The following RBFOX1 variants were observed in gnomAD, a reference collection of about 807,000 sequenced individuals.
RBFOX1 encodes the protein RNA binding fox-1 homolog 1.
Under a neutral mutation model 57.7 loss-of-function variants are expected in RBFOX1, and 8 were observed. That is an observed-to-expected ratio of 0.14 (90% confidence interval 0.08 to 0.25). The LOEUF (loss-of-function observed/expected upper bound fraction) is 0.25. RBFOX1 is among the 10% of genes least tolerant of loss of function. The pLI, the probability that RBFOX1 is intolerant of heterozygous loss-of-function variation, is 1.00. For synonymous variants in RBFOX1, 326 were observed against 222.4 expected (o/e 1.47, Z -4.15); for missense variants, 611 against 548.5 (o/e 1.11, Z -1.14).
In RBFOX1 at chr16:7,697,470, A is replaced by G. The variant is rs181958912; in HGVS notation, c.996-11586A>G. On this transcript the variant is annotated intron_variant, in intron 14 of 15. Transcript: ENST00000550418. ...ACTCTCCAAGGTGTAATAGTAACTT[A>G]CTGTCATTTATTGAGCAAATTATGT... is the stretch of plus-strand genomic sequence containing the variant. Among the ~76,000 whole-genome samples, 477 of 152,158 alleles carry G rather than the reference A, an allele frequency of 3.1e-3. 3 individuals are homozygous for G. Among genetic ancestry groups the G allele is most frequent in the African/African-American group, 0.011 (461 of 41,482 alleles).
At chr16:7,538,968 T>C (rs2082208638) in intron 5 of RBFOX1, among the ~76,000 whole-genome samples, 1 of 151,576 alleles carries the variant, frequency 6.6e-6, no homozygotes, top group Non-Finnish European at 1.5e-5. Flanking sequence ...TGTACACACT[T>C]CAGTGGTGGC....
At chr16:6,816,359 A>G (rs922494117) in intron 3 of RBFOX1, among the ~76,000 whole-genome samples, 6 of 152,136 alleles carry the variant, frequency 3.9e-5, no homozygotes, top group Non-Finnish European at 7.3e-5. Flanking sequence ...TGCCTGTTGA[A>G]AAAGCCTTTT....
intron 4 of RBFOX1, among the ~76,000 whole-genome samples, chr16:7,354,355 A>C (rs764086349): frequency 6.6e-6 from 1 of 152,200 alleles, no homozygotes. Flanking sequence ...AATGTCATCA[A>C]ATTCTTTCTA....
chr16:5,351,523 C>A (rs965919971), intron 1 of RBFOX1, among the ~76,000 whole-genome samples: 2 of 152,104 alleles, frequency 1.3e-5, no homozygotes, highest in African/African-American at 4.8e-5. Flanking sequence ...GTCACCTGGC[C>A]CCCAGGCATA....
intron 3 of RBFOX1, among the ~76,000 whole-genome samples, chr16:5,820,736 C>A (rs927157091): frequency 3.3e-5 from 5 of 152,282 alleles, no homozygotes; most frequent in Admixed American, 1.3e-4. Flanking sequence ...TGACACCGTT[C>A]CCCCGTCTGT....
intron 1 of RBFOX1, among the ~76,000 whole-genome samples, chr16:6,102,316 C>T (rs981180326): frequency 1.3e-5 from 2 of 151,854 alleles, no homozygotes; most frequent in African/African-American, 4.8e-5. Flanking sequence ...ATCATTAGGT[C>T]TGTAGTAAGA....
chr16:5,996,373 A>G (rs1020873445), intron 4 of RBFOX1, among the ~76,000 whole-genome samples: 3 of 152,160 alleles, frequency 2.0e-5, no homozygotes, highest in African/African-American at 7.2e-5. Context: ...ATTTGGGACA[A>G]GCATTGGGTT....
chr16:5,407,608 G>T (rs1185515586), intron 1 of RBFOX1, among the ~76,000 whole-genome samples: 1 of 152,070 alleles, frequency 6.6e-6, no homozygotes, highest in African/African-American at 2.4e-5. Context: ...GAGTGCAGTG[G>T]CATGGTCTTG....
intron 4 of RBFOX1, among the ~76,000 whole-genome samples, chr16:7,457,656 G>T (rs1473140819): frequency 6.6e-6 from 1 of 152,006 alleles, no homozygotes; most frequent in Admixed American, 6.6e-5. Flanking sequence ...AATCCCCTTT[G>T]CTTGGTTTGA....
At chr16:6,964,356 T>G (rs2153555735) in intron 3 of RBFOX1, among the ~76,000 whole-genome samples, 1 of 152,284 alleles carries the variant, frequency 6.6e-6, no homozygotes, top group Admixed American at 6.5e-5. Flanking sequence ...ATACTCTATG[T>G]GACACTGTAA....
intron 1 of RBFOX1, among the ~76,000 whole-genome samples, chr16:6,106,677 C>G (rs939804600): frequency 6.6e-6 from 1 of 151,708 alleles, no homozygotes; most frequent in Admixed American, 6.6e-5. Context: ...TCCTTCTTTT[C>G]CTTTTTTTGA....
intron 1 of RBFOX1, among the ~76,000 whole-genome samples, chr16:6,175,904 G>T (rs1444263617): frequency 6.6e-6 from 1 of 152,136 alleles, no homozygotes; most frequent in Non-Finnish European, 1.5e-5. Context: ...TTGACTGCCT[G>T]TTAGAAGCAC....
At chr16:7,376,418 A>G (rs946043285) in intron 4 of RBFOX1, among the ~76,000 whole-genome samples, 1 of 152,202 alleles carries the variant, frequency 6.6e-6, no homozygotes, top group Non-Finnish European at 1.5e-5. Context: ...CATTTCACAG[A>G]TGAGCACTGG....
intron 1 of RBFOX1, among the ~76,000 whole-genome samples, chr16:6,082,511 C>G (rs982143771): frequency 2.6e-5 from 4 of 151,616 alleles, no homozygotes; most frequent in Admixed American, 2.6e-4. Flanking sequence ...GCTTTTTAAT[C>G]CTCAGTAGGA....
intron 5 of RBFOX1, among the ~76,000 whole-genome samples, chr16:7,548,633 G>T (rs2085333947): frequency 6.6e-6 from 1 of 152,220 alleles, no homozygotes; most frequent in African/African-American, 2.4e-5. Context: ...TGGGGCAGGA[G>T]CGGGGGGGCA....
intron 3 of RBFOX1, among the ~76,000 whole-genome samples, chr16:6,780,029 A>ATG (rs1603621076): frequency 7.0e-5 from 3 of 42,650 alleles, no homozygotes; most frequent in Non-Finnish European, 1.1e-4. Context: ...ATATATTTAT[A>ATG]TATATTTATA....
chr16:6,611,380 C>A (rs1373758871), intron 2 of RBFOX1, among the ~76,000 whole-genome samples: 1 of 152,278 alleles, frequency 6.6e-6, no homozygotes, highest in Non-Finnish European at 1.5e-5. Context: ...CTCCTGACCT[C>A]AGGTGATCCA....
chr16:7,256,265 C>T (rs1429523680), intron 4 of RBFOX1, among the ~76,000 whole-genome samples: 1 of 152,202 alleles, frequency 6.6e-6, no homozygotes, highest in African/African-American at 2.4e-5. Flanking sequence ...AAAGCCAGGC[C>T]TCTGGGGTTC....
At chr16:6,562,876 C>CTTT (rs755324493) in intron 2 of RBFOX1, among the ~76,000 whole-genome samples, 3 of 48,456 alleles carry the variant, frequency 6.2e-5, no homozygotes, top group African/African-American at 2.7e-4. Flanking sequence ...TTCTTTCTTT[C>CTTT]TTTCTTTTTT....
Sources: allele counts gnomAD v4.1 joint callset (sites outside exome capture counted in the v4.1 genomes callset), GRCh38; gene constraint gnomAD v4.1.1; transcripts MANE v1.5; gene names NCBI Gene and HGNC (gene_info 2026-07-23, HGNC 2026-07-21).